The following GPR162 variants were observed in gnomAD, a reference collection of about 807,000 sequenced individuals.
GPR162 encodes probable G protein-coupled receptor 162.
GPR162 carries 26 observed loss-of-function variants against 44.9 expected under a neutral mutation model. That is an observed-to-expected ratio of 0.58 (90% CI 0.42 to 0.80). The LOEUF is 0.80. GPR162 is among the 30% of genes least tolerant of loss of function. GPR162 has a pLI of 0.00. For missense variants in GPR162, 704 were observed against 802.3 expected (o/e 0.88, Z 1.48); for synonymous variants, 363 against 335.2 (o/e 1.08, Z -0.91).
intron 1 of GPR162, among the ~76,000 whole-genome samples, chr12:6,823,124 A>C (rs1168047285): frequency 6.6e-6 from 1 of 152,214 alleles, no homozygotes; most frequent in Non-Finnish European, 1.5e-5. Flanking sequence ...TCCCATCAGT[A>C]GTTCTGAAGA....
At position 6,823,731 on chromosome 12, in the gene GPR162, A is replaced by C; in HGVS notation, c.-168A>C. The C allele has an allele frequency of 6.2e-7, 1 of 1,611,334 alleles. No homozygotes were observed. The highest frequency in any genetic ancestry group is 8.5e-7 in the Non-Finnish European group (1 of 1,178,112). Reference sequence around the variant, plus strand: ...TCCCCTGCCCTCTACATCTGCCCTCAGCTGGGTCCATCATGCAATGCTGAG... The same window carrying C: ...TCCCCTGCCCTCTACATCTGCCCTCCGCTGGGTCCATCATGCAATGCTGAG... On this transcript the variant is annotated 5_prime_UTR_variant, in exon 2 of 5. Transcript: ENST00000311268.
chr12:6,825,464 C>A lies in GPR162; in HGVS notation c.868-20C>A, dbSNP rs115573202. On this transcript the variant is annotated intron_variant, in intron 2 of 4. Coordinates refer to ENST00000311268, the MANE Select transcript of GPR162 (RefSeq NM_019858.2). ...TCCTCAGCTCTGGCCCTGACCCAGC[C>A]CGCTCCCACCCTTCCCCAGGTGGTG... The A allele has an allele frequency of 1.0e-4, 160 of 1,572,936 alleles. 1 individual carries two copies. The African/African-American group carries it at 1.7e-3, about 17-fold the overall frequency.
At chr12:6,825,983 A>G (rs1555119971) in intron 3 of GPR162, among the ~76,000 whole-genome samples, 1 of 152,170 alleles carries the variant, frequency 6.6e-6, no homozygotes, top group African/African-American at 2.4e-5. Flanking sequence ...GGGGGAGTGC[A>G]GGCAATTGTT....
Position 6,824,001 on chromosome 12 carries a change from A to T in GPR162, c.103A>T (p.Ile35Phe). The T allele has an allele frequency of 6.2e-7, 1 of 1,608,804 alleles. No individual in the cohort carries two copies. ...GGCGCTGCTGGCCAATGCCTGGATC[A>T]TCCTCAGCATCTCGGCCAAGCAGCA... The part of the protein sequence containing the change: ...LLALLANAWI[I>F]LSISAKQQKH... The change falls in exon 2 of 5, where the codon ATC (isoleucine) becomes TTC (phenylalanine). Residue 35 changes from isoleucine to phenylalanine, a missense_variant. Ile to Phe is a conservative substitution (Grantham distance 21). Transcript: ENST00000311268.
chr12:6,825,119 T>A, intron 2 of GPR162: 1 of 518,906 alleles, frequency 1.9e-6, no homozygotes, highest in South Asian at 1.9e-5. Context: ...CCACTCTCCA[T>A]TCCCTCCTTC....
Position 6,822,501 on chromosome 12 carries a change from A to G in GPR162, c.-432+601A>G, listed in dbSNP as rs1177566675. ...CTAAAGCCATTATGTGCTTCCTTAC[A>G]GCCCCACTCTGTTCAGGGTTTCACC... On this transcript the variant is annotated intron_variant, in intron 1 of 4. Coordinates refer to ENST00000311268, the MANE Select transcript of GPR162 (RefSeq NM_019858.2). The surrounding 1 kb of genome is among the most constrained non-coding windows in gnomAD (Gnocchi z 4.2). Among the ~76,000 whole-genome samples, 1 of 152,060 alleles carries G rather than the reference A, an allele frequency of 6.6e-6. No individual in the cohort carries two copies. The highest frequency in any genetic ancestry group is 2.4e-5 in the African/African-American group (1 of 41,374).
rs146263024 is a variant in GPR162, at chr12:6,824,675, C to T, written c.777C>T (p.Gly259=). Residue 259 remains glycine (G), a synonymous_variant, in exon 2 of 5, where the codon GGC becomes GGT. Coordinates refer to ENST00000311268, the MANE Select transcript of GPR162 (RefSeq NM_019858.2). ...ARGKRRSSLD[G]SESAKTSLQV... ...GGAAGCGGCGGTCCTCGCTGGATGGCTCGGAGTCTGCCAAGACATCCCTGC... is the reference window on the plus strand; with the variant it reads ...GGAAGCGGCGGTCCTCGCTGGATGGTTCGGAGTCTGCCAAGACATCCCTGC... 1 of 1,614,030 alleles carries T rather than the reference C, an allele frequency of 6.2e-7. No individual in the cohort carries two copies. The highest frequency in any genetic ancestry group is 8.5e-7 in the Non-Finnish European group (1 of 1,179,946).
In GPR162 at chr12:6,825,085, GACCTCTCA is replaced by G. The variant is rs146892719; in HGVS notation, c.867+321_867+328del. 3,664 of 586,816 alleles carry G rather than the reference GACCTCTCA, an allele frequency of 6.2e-3. 165 individuals carry two copies. In the East Asian group the frequency reaches 0.089, roughly 14 times the overall value. 36.4% of individuals were successfully genotyped at this position (586,816 alleles called of 1,614,324 possible). Reference sequence around the variant, plus strand: ...CCTGCAGCTCCACGGTTCAGCCGCAGACCTCTCATCCAGCCGCTGGGCTCCACTCTCCA... The same window carrying G: ...CCTGCAGCTCCACGGTTCAGCCGCAGTCCAGCCGCTGGGCTCCACTCTCCA... On this transcript the variant is annotated intron_variant, in intron 2 of 4. Coordinates refer to ENST00000311268, the MANE Select transcript of GPR162 (RefSeq NM_019858.2).
At position 6,826,260 on chromosome 12, in the gene GPR162, C is replaced by T. The variant is rs1213043825; in HGVS notation, c.1122C>T (p.Ala374=). 2.5e-6 allele frequency: 4 copies of T among 1,613,908 alleles called. No individual in the cohort carries two copies. Among genetic ancestry groups the T allele is most frequent in the African/African-American group, 2.7e-5 (2 of 74,922 alleles). The stretch of plus-strand genomic sequence containing the variant: ...AAGTTCGCTTTGATGCTAACGGAGC[C>T]ACAGGACCAGGGAGCCGGGACCCCG... The part of the protein sequence containing the change: ...VCKVRFDANG[A]TGPGSRDPAQ... The change falls in exon 4 of 5, where the codon GCC becomes GCT. Residue 374 remains alanine, a synonymous_variant. Transcript: ENST00000311268.
At chr12:6,825,463 C>T (rs1943341778) in intron 2 of GPR162, 21 bp from the exon 3 acceptor site, 3 of 1,567,298 alleles carry the variant, frequency 1.9e-6, no homozygotes, top group South Asian at 1.2e-5. Context: ...CCTGACCCAG[C>T]CCGCTCCCAC....
At chr12:6,824,847 T>C (rs1208078381) in intron 2 of GPR162, 82 bp downstream of exon 2, 4 of 1,075,670 alleles carry the variant, frequency 3.7e-6, no homozygotes, top group Admixed American at 1.7e-5. Context: ...TCATCAGCCA[T>C]ACAGCAGCTC....
rs151087736 is a variant in GPR162 at position 6,827,017 on chromosome 12, G to A, written c.1580G>A (p.Arg527Gln). ...GCCTCACCAGGGCACTCTCCTCGTC[G>A]GCCCCGGCCACTGGGCCTCTCACCC... ...PTASPGHSPR[R>Q]PRPLGLSPRR... The change falls in exon 5 of 5, where the codon CGG becomes CAG. Residue 527 changes from arginine to glutamine, a missense_variant. Around this residue, in one of 6 missense-constraint regions of GPR162, gnomAD observed 404 missense variants for 314.1 expected, o/e 1.29. Coordinates refer to ENST00000311268, the MANE Select transcript of GPR162 (RefSeq NM_019858.2). 634 of 1,613,294 alleles carry A rather than the reference G, an allele frequency of 3.9e-4. 3 individuals carry two copies. The African/African-American group carries it at 6.5e-3, about 17-fold the overall frequency.
Position 6,826,281 on chromosome 12 carries a change from C to T in GPR162, c.1143C>T (p.Asp381=). 6.2e-7 allele frequency: 1 copy of T among 1,613,956 alleles called. No homozygotes were observed. Among genetic ancestry groups the T allele is most frequent in the Non-Finnish European group, 8.5e-7 (1 of 1,179,964 alleles). The change falls in exon 4 of 5, where the codon GAC becomes GAT. Residue 381 remains aspartate, a synonymous_variant. Transcript: ENST00000311268. ...ANGATGPGSR[D]PAQVKLLPGR... ...GAGCCACAGGACCAGGGAGCCGGGA[C>T]CCCGCCCAGGTGAAGCTGCTGCCTG...
At position 6,826,911 on chromosome 12, in the gene GPR162, G is replaced by C; in HGVS notation, c.1474G>C (p.Gly492Arg). ...FLESGVLGSG[G>R]GPPRGPGFFR... ...GGAGAGTGGGGTTCTGGGGTCAGGTGGGGGACCCCCACGGGGTCCTGGCTT... is the reference window on the plus strand; with the variant it reads ...GGAGAGTGGGGTTCTGGGGTCAGGTCGGGGACCCCCACGGGGTCCTGGCTT... The change falls in exon 5 of 5, where the codon GGG (glycine) becomes CGG (arginine). Residue 492 changes from glycine (G) to arginine (R), a missense_variant. By Grantham distance (125) the Gly-to-Arg change is moderately radical. Transcript: ENST00000311268. The C allele has an allele frequency of 6.2e-7, 1 of 1,613,332 alleles. No individual in the cohort carries two copies.
chr12:6,824,033 C>G lies in GPR162; in HGVS notation c.135C>G (p.His45Gln). ...ILSISAKQQK[H>Q]KPLELLLCFL... ...GCATCTCGGCCAAGCAGCAGAAGCA[C>G]AAGCCACTGGAGCTGCTGCTCTGCT... Residue 45 changes from histidine (H) to glutamine (Q), a missense_variant, in exon 2 of 5, where the codon CAC becomes CAG. By Grantham distance (24) the His-to-Gln change is conservative (BLOSUM62 0). Around this residue, in one of 6 missense-constraint regions of GPR162, gnomAD observed 110 missense variants for 206.2 expected, o/e 0.53. Coordinates refer to ENST00000311268, the MANE Select transcript of GPR162 (RefSeq NM_019858.2). 3.1e-6 allele frequency: 5 copies of G among 1,607,996 alleles called. No homozygotes were observed. The highest frequency in any genetic ancestry group is 4.2e-6 in the Non-Finnish European group (5 of 1,178,806).
In GPR162 at chr12:6,823,769, C is replaced by G; in HGVS notation, c.-130C>G. 1 of 1,613,140 alleles carries G rather than the reference C, an allele frequency of 6.2e-7. No individual in the cohort carries two copies. The highest frequency in any genetic ancestry group is 8.5e-7 in the Non-Finnish European group (1 of 1,179,454). The stretch of plus-strand genomic sequence containing the variant: ...ATGCAATGCTGAGCACTGGGGTGAG[C>G]CTGGGGGCAGCCTGCCTGCTGACAG... On this transcript the variant is annotated 5_prime_UTR_variant, in exon 2 of 5. Coordinates refer to ENST00000311268, the MANE Select transcript of GPR162 (RefSeq NM_019858.2).
In GPR162 at chr12:6,827,061, T is replaced by C. The variant is rs1555120381; in HGVS notation, c.1624T>C (p.Ser542Pro). 1 of 1,613,328 alleles carries C rather than the reference T, an allele frequency of 6.2e-7. No individual in the cohort carries two copies. Among genetic ancestry groups the C allele is most frequent in the African/African-American group, 1.3e-5 (1 of 75,034 alleles). The change falls in exon 5 of 5, where the codon TCC becomes CCC. Residue 542 changes from serine to proline, a missense_variant. Around this residue, in one of 6 missense-constraint regions of GPR162, gnomAD observed 404 missense variants for 314.1 expected, o/e 1.29. Coordinates refer to ENST00000311268, the MANE Select transcript of GPR162 (RefSeq NM_019858.2). ...GLSPRRLSLG[S>P]PESRAVGLPL... ...CTCACCCCGCCGACTCTCCCTTGGG[T>C]CCCCTGAGAGCAGAGCCGTTGGACT...
In GPR162 at chr12:6,824,539, G is replaced by A. The variant is rs145390713; in HGVS notation, c.641G>A (p.Arg214Gln). The A allele has an allele frequency of 1.2e-4, 187 of 1,607,952 alleles. 2 individuals are homozygous for A. In the East Asian group the frequency reaches 3.8e-3, roughly 32 times the overall value. Residue 214 changes from arginine to glutamine, a missense_variant, in exon 2 of 5, where the codon CGG becomes CAG. By Grantham distance (43) the Arg-to-Gln change is conservative. This residue lies in a region of GPR162 where 56 missense variants were observed against 47.2 expected (regional missense o/e 1.19). Transcript: ENST00000311268. ...QTLWARPRRA[R>Q]QARRVGGGGG... ...CTGTGGGCCCGGCCCCGGAGGGCTC[G>A]GCAGGCCCGGAGAGTGGGGGGTGGT...
Position 6,822,156 on chromosome 12 carries a change from T to C in GPR162, c.-432+256T>C, listed in dbSNP as rs1317300575. On this transcript the variant is annotated intron_variant, in intron 1 of 4. Transcript: ENST00000311268. This position sits in a 1 kb window ranked among gnomAD's most constrained non-coding sequence, Gnocchi z 4.2. ...TCTCTCCCTGTCCTTCACCTCCCTC[T>C]CTCTGTCCTTCACATCTTTCCTGCC... Among the ~76,000 whole-genome samples, 1 of 152,088 alleles carries C rather than the reference T, an allele frequency of 6.6e-6. No homozygotes were observed. The highest frequency in any genetic ancestry group is 2.4e-5 in the African/African-American group (1 of 41,410).
Sources: allele counts gnomAD v4.1 joint callset (sites outside exome capture counted in the v4.1 genomes callset), GRCh38; gene constraint gnomAD v4.1.1; regional missense constraint gnomAD v4.1.1; non-coding constraint Gnocchi (gnomAD v3.1); transcripts MANE v1.5; gene names NCBI Gene and HGNC (gene_info 2026-07-23, HGNC 2026-07-21).